Variants in ARHGAP8 observed in about 807,000 individuals in gnomAD.
The protein encoded by ARHGAP8 is rho GTPase-activating protein 8.
Under a neutral mutation model 46.1 loss-of-function variants are expected in ARHGAP8, and 62 were observed. The ratio of observed to expected loss-of-function variants is 1.34; its 90% CI spans 1.10 to 1.66. The LOEUF is 1.66. ARHGAP8 is among the 40% of genes most tolerant of loss of function. The pLI, the probability that ARHGAP8 is intolerant of heterozygous loss-of-function variation, is 0.00. For missense variants in ARHGAP8, 923 were observed against 568.4 expected (o/e 1.62, Z -6.34); for synonymous variants, 375 against 243.1 (o/e 1.54, Z -5.05).
At chr22:44,847,876 C>A in intron 8 of ARHGAP8, 97 bp from the exon 9 acceptor site, 2 of 1,491,100 alleles carry the variant, frequency 1.3e-6, no homozygotes, top group Non-Finnish European at 1.8e-6. Context: ...AGGCCAGCCA[C>A]AGGTGGGTGA....
At chr22:44,861,848 C>T (rs771684994) in intron 11 of ARHGAP8, among the ~76,000 whole-genome samples, 1 of 152,180 alleles carries the variant, frequency 6.6e-6, no homozygotes, top group African/African-American at 2.4e-5. Flanking sequence ...GCTCTTTCCA[C>T]TCTCCCTGCC....
At chr22:44,769,448 G>C (rs1437225369) in intron 1 of ARHGAP8, among the ~76,000 whole-genome samples, 1 of 152,000 alleles carries the variant, frequency 6.6e-6, no homozygotes, top group Non-Finnish European at 1.5e-5. Context: ...GCCCTTTTTA[G>C]TTTCAGATAA....
chr22:44,855,449 G>A (rs2070197029), intron 10 of ARHGAP8, among the ~76,000 whole-genome samples: 1 of 152,162 alleles, frequency 6.6e-6, no homozygotes, highest in African/African-American at 2.4e-5. Context: ...ACAGGCATGA[G>A]CCACTATGCC....
intron 4 of ARHGAP8, chr22:44,808,940 C>T (rs1331149689): frequency 1.6e-5 from 6 of 376,702 alleles, no homozygotes; most frequent in Non-Finnish European, 3.2e-5. Context: ...GCCTCAGCCT[C>T]CTGAGTAGCT....
chr22:44,817,336 G>A (rs1929823922), intron 5 of ARHGAP8, among the ~76,000 whole-genome samples: 1 of 152,224 alleles, frequency 6.6e-6, no homozygotes, highest in Admixed American at 6.5e-5. Context: ...CTCCTTTCAT[G>A]TCACTAGAAT....
At position 44,772,366 on chromosome 22, in the gene ARHGAP8, T is replaced by TTC. The variant is rs1555909632; in HGVS notation, c.-71-14090_-71-14089insCT. Among the ~76,000 whole-genome samples the TTC allele has an allele frequency of 1.3e-3, 186 of 148,014 alleles. 2 individuals are homozygous for TTC. Among genetic ancestry groups the TTC allele is most frequent in the African/African-American group, 4.1e-3 (167 of 40,512 alleles). ...TTTTCTTTTTTCTTTTTTTTTTTTT[T>TTC]TTAAGTAGAGACAGGGTTTCGCTAT... On this transcript the variant is annotated intron_variant, in intron 1 of 11. Coordinates refer to ENST00000356099, the MANE Select transcript of ARHGAP8 (RefSeq NM_181335.3).
intron 2 of ARHGAP8, among the ~76,000 whole-genome samples, chr22:44,795,201 A>T (rs1173262277): frequency 2.0e-5 from 3 of 152,152 alleles, no homozygotes; most frequent in African/African-American, 7.2e-5. Context: ...GTAGGTGTTT[A>T]ATAAGTGTTT....
chr22:44,857,675 G>A (rs1342181227), intron 10 of ARHGAP8, among the ~76,000 whole-genome samples: 1 of 152,152 alleles, frequency 6.6e-6, no homozygotes, highest in Non-Finnish European at 1.5e-5. Context: ...TATAGGGAAG[G>A]CGCCTCTCAT....
At chr22:44,852,524 C>T (rs2070123040) in intron 10 of ARHGAP8, among the ~76,000 whole-genome samples, 1 of 152,134 alleles carries the variant, frequency 6.6e-6, no homozygotes, top group African/African-American at 2.4e-5. Context: ...GTGTTCCGGA[C>T]CCCAGCATTC....
At chr22:44,820,717 G>T (rs1421449070) in intron 5 of ARHGAP8, among the ~76,000 whole-genome samples, 6 of 152,312 alleles carry the variant, frequency 3.9e-5, no homozygotes, top group Non-Finnish European at 8.8e-5. Context: ...GGCCTACCTG[G>T]CAGTGTCCTT....
intron 1 of ARHGAP8, among the ~76,000 whole-genome samples, chr22:44,768,855 TC>T (rs1461790970): frequency 2.0e-5 from 3 of 150,886 alleles, no homozygotes; most frequent in Non-Finnish European, 4.4e-5. Context: ...TTTTTTTTTT[TC>T]AAGACAGAGT....
intron 7 of ARHGAP8, among the ~76,000 whole-genome samples, chr22:44,834,187 T>C (rs767168321): frequency 4.6e-5 from 7 of 152,112 alleles, no homozygotes; most frequent in Non-Finnish European, 1.0e-4. Flanking sequence ...TCTGCCTGTG[T>C]CAGATTTAGT....
chr22:44,829,590 T>G (rs1398743373), intron 7 of ARHGAP8, among the ~76,000 whole-genome samples: 1 of 152,248 alleles, frequency 6.6e-6, no homozygotes, highest in Non-Finnish European at 1.5e-5. Context: ...ACACTGCGCG[T>G]GCAGCTTGGA....
chr22:44,772,747 G>T (rs1175715299), intron 1 of ARHGAP8, among the ~76,000 whole-genome samples: 2 of 149,674 alleles, frequency 1.3e-5, no homozygotes, highest in Non-Finnish European at 1.5e-5. Context: ...TGGAGAATTG[G>T]TATTATTTCT....
At chr22:44,851,275 G>A (rs577488856) in intron 10 of ARHGAP8, among the ~76,000 whole-genome samples, 8 of 152,282 alleles carry the variant, frequency 5.3e-5, no homozygotes, top group South Asian at 2.1e-4. Context: ...CCTGCTACCC[G>A]TCTTAGGTTC....
At chr22:44,858,872 CTT>C (rs1324104173) in intron 10 of ARHGAP8, among the ~76,000 whole-genome samples, 5 of 151,492 alleles carry the variant, frequency 3.3e-5, no homozygotes, top group Non-Finnish European at 7.4e-5. Flanking sequence ...GGGTTGCAAA[CTT>C]TTTCTGTAAA....
chr22:44,785,140 G>A (rs1413389999), intron 1 of ARHGAP8, among the ~76,000 whole-genome samples: 1 of 152,230 alleles, frequency 6.6e-6, no homozygotes, highest in Non-Finnish European at 1.5e-5. Context: ...TGGTCTGGAT[G>A]AGTGAATCTC....
chr22:44,847,206 G>A (rs779047698), intron 8 of ARHGAP8, among the ~76,000 whole-genome samples: 1 of 152,246 alleles, frequency 6.6e-6, no homozygotes, highest in Admixed American at 6.5e-5. Context: ...TGGCTCTGAA[G>A]CCAGCAGGGG....
At chr22:44,850,236 G>C (rs536224141) in intron 10 of ARHGAP8, 8 of 152,312 alleles carry the variant, frequency 5.3e-5, no homozygotes, top group African/African-American at 1.9e-4. Context: ...GATGGGGAAG[G>C]TCTCTCCTAC....
Sources: allele counts gnomAD v4.1 joint callset (sites outside exome capture counted in the v4.1 genomes callset), GRCh38; gene constraint gnomAD v4.1.1; transcripts MANE v1.5; gene names NCBI Gene and HGNC (gene_info 2026-07-23, HGNC 2026-07-21).